KLHL29: variants seen among roughly 807,000 people sequenced by gnomAD.
The protein encoded by KLHL29 is kelch like family member 29.
A neutral mutation model predicts 80.4 loss-of-function variants in KLHL29; 21 were observed. The observed-to-expected ratio is 0.26, with a 90% CI of 0.19 to 0.38. The LOEUF is 0.38. KLHL29 is among the 10% of genes least tolerant of loss of function. The pLI is 1.00. For missense variants in KLHL29, 867 were observed against 1,223.9 expected (o/e 0.71, Z 4.35); for synonymous variants, 511 against 526.8 (o/e 0.97, Z 0.41).
At chr2:23,642,243 C>A in intron 4 of KLHL29, 95 bp from the exon 5 acceptor site, 1 of 1,192,914 alleles carries the variant, frequency 8.4e-7, no homozygotes, top group African/African-American at 1.5e-5. Context: ...TCGTTCCCCT[C>A]TGTGACCTAG....
At chr2:23,432,518 C>T (rs915150393) in intron 1 of KLHL29, among the ~76,000 whole-genome samples, 8 of 152,352 alleles carry the variant, frequency 5.3e-5, no homozygotes, top group South Asian at 2.1e-4. Flanking sequence ...CCTGTCCTTG[C>T]ACTTCTGGAA....
At chr2:23,568,107 G>A (rs373417755) in intron 3 of KLHL29, among the ~76,000 whole-genome samples, 7 of 152,120 alleles carry the variant, frequency 4.6e-5, no homozygotes, top group African/African-American at 1.7e-4. Flanking sequence ...TGGGCTGAGT[G>A]GCCCGAACTT....
At chr2:23,557,690 C>G (rs550539217) in intron 2 of KLHL29, among the ~76,000 whole-genome samples, 1 of 152,070 alleles carries the variant, frequency 6.6e-6, no homozygotes. Context: ...TTGACCTGAT[C>G]CCAAGCACAT....
intron 3 of KLHL29, among the ~76,000 whole-genome samples, chr2:23,628,895 G>C (rs903203503): frequency 6.6e-6 from 1 of 152,174 alleles, no homozygotes; most frequent in African/African-American, 2.4e-5. Flanking sequence ...GGGCGGGGGT[G>C]GGCCTGGAGT....
chr2:23,406,834 C>T (rs1244381263), intron 1 of KLHL29, among the ~76,000 whole-genome samples: 5 of 152,152 alleles, frequency 3.3e-5, no homozygotes. Context: ...AAGGTTTGAT[C>T]TCTTTAAAAT....
intron 2 of KLHL29, among the ~76,000 whole-genome samples, chr2:23,479,909 T>G (rs1664740641): frequency 6.6e-6 from 1 of 152,168 alleles, no homozygotes. Context: ...TTAGATTATT[T>G]TATTCAGTTC....
rs975718423 is a variant in KLHL29 at position 23,700,571 on chromosome 2, G to A, written c.2106-2615G>A. 6.6e-5 allele frequency among the ~76,000 whole-genome samples: 10 copies of A among 152,222 alleles called. No individual in the cohort carries two copies. The highest frequency in any genetic ancestry group is 2.2e-4 in the African/African-American group (9 of 41,532). On this transcript the variant is annotated intron_variant, in intron 11 of 13. Transcript: ENST00000486442. The surrounding 1 kb of genome is among the most constrained non-coding windows in gnomAD (Gnocchi z 4.6). Reference sequence around the variant, plus strand: ...AGTGACATCGCAGAAACCAGCAAACGCTACAAACCATGACGTTTTCCCTAG... The same window carrying A: ...AGTGACATCGCAGAAACCAGCAAACACTACAAACCATGACGTTTTCCCTAG...
At chr2:23,474,181 G>GT (rs1664568803) in intron 1 of KLHL29, among the ~76,000 whole-genome samples, 1 of 152,168 alleles carries the variant, frequency 6.6e-6, no homozygotes, top group African/African-American at 2.4e-5. Flanking sequence ...GAGGGCAGGA[G>GT]TACCTTTCTC....
At chr2:23,604,764 C>G (rs1169719870) in intron 3 of KLHL29, among the ~76,000 whole-genome samples, 1 of 152,220 alleles carries the variant, frequency 6.6e-6, no homozygotes, top group Non-Finnish European at 1.5e-5. Context: ...GGGACCCCTT[C>G]CCTGGAGGTG....
chr2:23,400,874 A>G (rs1167800082), intron 1 of KLHL29, among the ~76,000 whole-genome samples: 4 of 152,194 alleles, frequency 2.6e-5, no homozygotes, highest in African/African-American at 9.7e-5. Flanking sequence ...TTTGTTGCAA[A>G]TAGATCTGGG....
In KLHL29 at chr2:23,684,737, C is replaced by T. The variant is rs1335847443; in HGVS notation, c.1079+200C>T. 2.6e-5 allele frequency among the ~76,000 whole-genome samples: 4 copies of T among 152,188 alleles called. No individual in the cohort carries two copies. The highest frequency in any genetic ancestry group is 1.9e-4 in the East Asian group (1 of 5,194). ...CAGAGCAGCCACTGCGCCCAGCACC[C>T]GCCCCCACCCACAGCTTTGCTGTCA... is the stretch of plus-strand genomic sequence containing the variant. On this transcript the variant is annotated intron_variant, in intron 6 of 13. Coordinates refer to ENST00000486442, the MANE Select transcript of KLHL29 (RefSeq NM_052920.2). This position sits in a 1 kb window ranked among gnomAD's most constrained non-coding sequence, Gnocchi z 4.4.
intron 2 of KLHL29, among the ~76,000 whole-genome samples, chr2:23,530,805 T>A (rs1381626187): frequency 6.6e-6 from 1 of 151,208 alleles, no homozygotes; most frequent in Non-Finnish European, 1.5e-5. Context: ...GTTCTTAGCA[T>A]CTGCTTCTGA....
At chr2:23,694,971 T>C (rs1671859401) in intron 8 of KLHL29, among the ~76,000 whole-genome samples, 1 of 152,190 alleles carries the variant, frequency 6.6e-6, no homozygotes, top group African/African-American at 2.4e-5. Flanking sequence ...ATGAGCGTCA[T>C]GCCTGGCCTA....
At chr2:23,656,296 G>A (rs1434422722) in intron 5 of KLHL29, among the ~76,000 whole-genome samples, 1 of 152,194 alleles carries the variant, frequency 6.6e-6, no homozygotes. Flanking sequence ...GGAGGAGGTG[G>A]GCTGTGCGCC....
chr2:23,463,615 A>G (rs1432090609), intron 1 of KLHL29, among the ~76,000 whole-genome samples: 1 of 152,070 alleles, frequency 6.6e-6, no homozygotes, highest in African/African-American at 2.4e-5. Flanking sequence ...GAGCCCAAAG[A>G]CAGAACACCG....
chr2:23,436,426 C>CTTAA (rs1339655123), intron 1 of KLHL29, among the ~76,000 whole-genome samples: 1 of 151,698 alleles, frequency 6.6e-6, no homozygotes, highest in Non-Finnish European at 1.5e-5. Flanking sequence ...AAAATATGGT[C>CTTAA]TTAATTGTGT....
At chr2:23,456,855 G>A (rs1399164792) in intron 1 of KLHL29, among the ~76,000 whole-genome samples, 1 of 152,230 alleles carries the variant, frequency 6.6e-6, no homozygotes, top group African/African-American at 2.4e-5. Context: ...AATAGATGCT[G>A]TCTCCCTTGT....
intron 1 of KLHL29, among the ~76,000 whole-genome samples, chr2:23,461,692 A>G (rs1664213371): frequency 7.1e-6 from 1 of 140,076 alleles, no homozygotes; most frequent in African/African-American, 2.7e-5. Flanking sequence ...TCACCCCACT[A>G]TCCAGTGTAC....
intron 5 of KLHL29, among the ~76,000 whole-genome samples, chr2:23,663,692 G>GA (rs1406933062): frequency 6.6e-6 from 1 of 152,200 alleles, no homozygotes; most frequent in Non-Finnish European, 1.5e-5. Context: ...TGCTGATGCT[G>GA]AAAATCTGCG....
Sources: allele counts gnomAD v4.1 joint callset (sites outside exome capture counted in the v4.1 genomes callset), GRCh38; gene constraint gnomAD v4.1.1; non-coding constraint Gnocchi (gnomAD v3.1); transcripts MANE v1.5; gene names NCBI Gene and HGNC (gene_info 2026-07-23, HGNC 2026-07-21).